SLC41A3: variants seen among roughly 807,000 people sequenced by gnomAD.
SLC41A3 encodes the protein solute carrier family 41 member 3.
A neutral mutation model predicts 45.4 loss-of-function variants in SLC41A3; 44 were observed. That is an observed-to-expected ratio of 0.97 (90% CI 0.76 to 1.25). The LOEUF is 1.25. Ranked by LOEUF, SLC41A3 falls within the 50% of genes most tolerant of loss-of-function variation. The pLI is 0.00. For synonymous variants in SLC41A3, 256 were observed against 252.4 expected (o/e 1.01, Z -0.13); for missense variants, 550 against 600.6 (o/e 0.92, Z 0.88).
upstream of SLC41A3, among the ~76,000 whole-genome samples, chr3:126,087,132 G>T (rs1945410063): frequency 6.6e-6 from 1 of 152,110 alleles, no homozygotes. Context: ...ATAAAACCCA[G>T]CCCAAGACAG....
At chr3:126,022,069 T>C (rs1354517291) in intron 6 of SLC41A3, among the ~76,000 whole-genome samples, 2 of 129,956 alleles carry the variant, frequency 1.5e-5, no homozygotes, top group African/African-American at 3.4e-5. Context: ...GTCACCCACA[T>C]GGCTCTCCTT....
At chr3:126,012,866 A>G in intron 8 of SLC41A3, 117 bp from the exon 9 acceptor site, 1 of 1,453,858 alleles carries the variant, frequency 6.9e-7, no homozygotes, top group Non-Finnish European at 9.2e-7. Flanking sequence ...GTATTTCATT[A>G]TCTTTTCCTT....
At chr3:126,024,873 A>G (rs1372408631) in intron 5 of SLC41A3, 1 of 151,640 alleles carries the variant, frequency 6.6e-6, no homozygotes, top group Non-Finnish European at 1.5e-5. Context: ...GATGACAATA[A>G]CCAAAAGGCT....
Position 126,007,238 on chromosome 3 carries a change from C to T in SLC41A3, c.1255-13G>A. 1 of 1,612,124 alleles carries T rather than the reference C, an allele frequency of 6.2e-7. No individual in the cohort carries two copies. Among genetic ancestry groups the T allele is most frequent in the Non-Finnish European group, 8.5e-7 (1 of 1,178,922 alleles). On this transcript the variant is annotated splice_polypyrimidine_tract_variant and intron_variant, in intron 10 of 10. Transcript: ENST00000360370. The stretch of plus-strand genomic sequence containing the variant: ...GCAGGATTGTCACCTGTCAGAAGGG[C>T]AAAGAGACACAAAAGAAGACCAAGT...
rs550964660 is a variant in SLC41A3, at chr3:126,063,002, C to A, written c.273+4945G>T. On this transcript the variant is annotated intron_variant, in intron 2 of 10. Transcript: ENST00000360370. ...ATGGCCGTAAGTTGTCTAGGGGCTG[C>A]GGATCCAGGGAAATGCTCTCCTCCA... Among the ~76,000 whole-genome samples, 268 of 152,280 alleles carry A rather than the reference C, an allele frequency of 1.8e-3. 1 individual carries two copies. Among genetic ancestry groups the A allele is most frequent in the African/African-American group, 6.1e-3 (252 of 41,554 alleles).
At chr3:126,086,425 T>TTTTTTTTTTTTTTTG (rs1945393613), upstream of SLC41A3, among the ~76,000 whole-genome samples, 1 of 146,320 alleles carries the variant, frequency 6.8e-6, no homozygotes, top group South Asian at 2.2e-4. Context: ...TTTTTTTTTT[T>TTTTTTTTTTTTTTTG]TTTTTTTTTT....
chr3:126,007,051 C>A lies in SLC41A3; in HGVS notation c.1429G>T (p.Gly477Cys), dbSNP rs553845689. ...CCAGATGCCAGTTCTGAGATGCCAC[C>A]CAGCTCTGCCTTGCTCTTCAGTAGC... Reference protein sequence around the residue: ...DWLLKSKAELGGISELASGPP With the variant: ...DWLLKSKAELCGISELASGPP The change falls in exon 11 of 11, where the codon GGT (glycine) becomes TGT (cysteine). Residue 477 changes from glycine to cysteine, a missense_variant. Transcript: ENST00000360370. 4.3e-6 allele frequency: 7 copies of A among 1,614,170 alleles called. No individual in the cohort carries two copies. The African/African-American group carries it at 8.0e-5, about 18-fold the overall frequency.
rs1052053223 is a variant in SLC41A3 at position 126,068,091 on chromosome 3, A to G, written c.129T>C (p.Pro43=). ...GCTTGGGGGTCACGCTTTGGCTCTC[A>G]GGGGCCCTGAGAGCTCCATCTTCTG... ...VASEDGALRA[P]ESQSVTPKPL... Residue 43 remains proline, a synonymous_variant, in exon 2 of 11, where the codon CCT becomes CCC. Coordinates refer to ENST00000360370, the MANE Select transcript of SLC41A3 (RefSeq NM_017836.4). 6.2e-7 allele frequency: 1 copy of G among 1,613,640 alleles called. No homozygotes were observed. Among genetic ancestry groups the G allele is most frequent in the Non-Finnish European group, 8.5e-7 (1 of 1,179,898 alleles).
At chr3:126,020,731 T>G (rs1444324209) in intron 6 of SLC41A3, among the ~76,000 whole-genome samples, 1 of 152,186 alleles carries the variant, frequency 6.6e-6, no homozygotes, top group Non-Finnish European at 1.5e-5. Context: ...TTATAATCTC[T>G]TCTCTCTGAA....
chr3:126,068,900 TG>T (rs1198762365), intron 1 of SLC41A3, among the ~76,000 whole-genome samples: 2 of 152,168 alleles, frequency 1.3e-5, no homozygotes. Context: ...GGAGTTCACC[TG>T]GTGCAAAACC....
intron 1 of SLC41A3, among the ~76,000 whole-genome samples, chr3:126,071,111 A>T (rs1239123256): frequency 1.3e-5 from 2 of 152,258 alleles, no homozygotes; most frequent in Non-Finnish European, 2.9e-5. Context: ...TTAGACAGAC[A>T]GAAAACAAAT....
intron 1 of SLC41A3, among the ~76,000 whole-genome samples, chr3:126,077,818 C>G (rs1944949376): frequency 6.6e-6 from 1 of 152,204 alleles, no homozygotes; most frequent in Non-Finnish European, 1.5e-5. Context: ...GTGCTTCCTT[C>G]TCAGGGGCCT....
At chr3:126,042,073 C>A (rs1942630857) in intron 3 of SLC41A3, among the ~76,000 whole-genome samples, 1 of 152,148 alleles carries the variant, frequency 6.6e-6, no homozygotes, top group South Asian at 2.1e-4. Context: ...CTGAGGGCTG[C>A]CCAAGTAACT....
At chr3:126,075,490 T>A (rs939038189) in intron 1 of SLC41A3, among the ~76,000 whole-genome samples, 2 of 148,110 alleles carry the variant, frequency 1.4e-5, no homozygotes, top group African/African-American at 4.9e-5. Context: ...TCTTTCTTTC[T>A]GGAGAAAATG....
At chr3:126,040,354 C>T (rs890559687) in intron 3 of SLC41A3, among the ~76,000 whole-genome samples, 17 of 152,216 alleles carry the variant, frequency 1.1e-4, no homozygotes, top group African/African-American at 4.1e-4. Context: ...GAAGAGGTAT[C>T]TATGCTGTAA....
chr3:126,043,805 AAAAAAAAC>A (rs201133884), intron 3 of SLC41A3, among the ~76,000 whole-genome samples: 108 of 144,026 alleles, frequency 7.5e-4, no homozygotes, highest in African/African-American at 1.6e-3. Flanking sequence ...TATCACTGCA[AAAAAAAAC>A]AAAAAAACAA....
At chr3:126,053,524 C>T (rs1943474100) in intron 2 of SLC41A3, among the ~76,000 whole-genome samples, 2 of 152,160 alleles carry the variant, frequency 1.3e-5, no homozygotes, top group Admixed American at 1.3e-4. Flanking sequence ...CTGGCACTGT[C>T]CTATCTCTAG....
chr3:126,093,561 C>T (rs1945535530), intron 1 of SLC41A3, among the ~76,000 whole-genome samples: 1 of 152,250 alleles, frequency 6.6e-6, no homozygotes, highest in African/African-American at 2.4e-5. Flanking sequence ...GGACCCTTGC[C>T]ATCAGGGACA....
intron 6 of SLC41A3, 64 bp downstream of exon 6, chr3:126,022,722 G>A (rs1244576042): frequency 3.8e-6 from 6 of 1,597,302 alleles, no homozygotes; most frequent in Non-Finnish European, 4.3e-6. Context: ...AGCCTCAGTG[G>A]TGACCTGCTC....
Sources: gnomAD v4.1 joint callset for allele counts (sites outside exome capture counted in the v4.1 genomes callset) on GRCh38, gnomAD v4.1.1 for gene constraint, MANE v1.5 for transcripts, NCBI Gene and HGNC (gene_info 2026-07-23, HGNC 2026-07-21) for gene names.